The following SPECC1L variants were observed in gnomAD, a reference collection of about 807,000 sequenced individuals.
The protein encoded by SPECC1L is cytospin-A.
Under a neutral mutation model 116.8 loss-of-function variants are expected in SPECC1L, and 40 were observed. The ratio of observed to expected loss-of-function variants is 0.34; its 90% confidence interval spans 0.27 to 0.45. The LOEUF is 0.45. Among genes scored for constraint, SPECC1L ranks in the 20% least tolerant of loss-of-function variants. The pLI is 1.00. For synonymous variants in SPECC1L, 504 were observed against 500.6 expected (o/e 1.01, Z -0.09); for missense variants, 1,110 against 1,373.6 (o/e 0.81, Z 3.03).
At chr22:24,414,291 T>G (rs2042760870) in intron 16 of SPECC1L, among the ~76,000 whole-genome samples, 1 of 152,216 alleles carries the variant, frequency 6.6e-6, no homozygotes, top group Admixed American at 6.5e-5. Flanking sequence ...CTTCCCATCC[T>G]GCAGAGCCGT....
At chr22:24,370,724 A>G (rs1274232954) in intron 14 of SPECC1L, among the ~76,000 whole-genome samples, 1 of 152,240 alleles carries the variant, frequency 6.6e-6, no homozygotes, top group Non-Finnish European at 1.5e-5. Flanking sequence ...ATATAATACA[A>G]TGGAATACCA....
intron 3 of SPECC1L, among the ~76,000 whole-genome samples, chr22:24,310,755 A>G (rs1483614947): frequency 1.3e-5 from 2 of 151,606 alleles, no homozygotes; most frequent in Non-Finnish European, 2.9e-5. Flanking sequence ...ATACTTTCCC[A>G]GTTTTTTATG....
chr22:24,339,671 T>C (rs1446135952), intron 10 of SPECC1L, among the ~76,000 whole-genome samples: 1 of 152,240 alleles, frequency 6.6e-6, no homozygotes, highest in Admixed American at 6.5e-5. Context: ...ATAATGGTGT[T>C]GGGGAGCATT....
At chr22:24,281,719 G>A (rs2048946634) in intron 2 of SPECC1L, among the ~76,000 whole-genome samples, 2 of 152,112 alleles carry the variant, frequency 1.3e-5, no homozygotes, top group Non-Finnish European at 2.9e-5. Flanking sequence ...TGTCAATGTT[G>A]TCTGTGAATA....
rs375595319 is a variant in SPECC1L, at chr22:24,338,278, C to T, written c.2561-108C>T. Reference sequence around the variant, plus strand: ...GCTAGACATCAGCCAAGACAGTGTCCAGCGGGGTTTGAGAGCATTGGGTAA... The same window carrying T: ...GCTAGACATCAGCCAAGACAGTGTCTAGCGGGGTTTGAGAGCATTGGGTAA... On this transcript the variant is annotated intron_variant, in intron 9 of 16. Coordinates refer to ENST00000314328, the MANE Select transcript of SPECC1L (RefSeq NM_015330.6). 1.3e-5 allele frequency: 13 copies of T among 1,037,194 alleles called. No homozygotes were observed. In the African/African-American group the frequency reaches 1.9e-4, roughly 15 times the overall value. The allele number at this position is 1,037,194 out of a possible 1,614,324, so 64.2% of individuals were successfully genotyped here. A position where few individuals can be genotyped will look rare whatever the true frequency, so the allele number is the denominator to read the frequency against.
intron 7 of SPECC1L, among the ~76,000 whole-genome samples, chr22:24,329,230 C>T (rs893841190): frequency 2.6e-5 from 4 of 152,112 alleles, no homozygotes; most frequent in African/African-American, 4.8e-5. Flanking sequence ...TTTTGGATTT[C>T]GGATTTTCAG....
chr22:24,311,594 C>T (rs901178192), intron 3 of SPECC1L, among the ~76,000 whole-genome samples: 2 of 151,966 alleles, frequency 1.3e-5, no homozygotes, highest in African/African-American at 4.8e-5. Context: ...CACTTGATGC[C>T]AGGAGTTCGA....
chr22:24,364,992 A>C (rs942937041), intron 12 of SPECC1L, among the ~76,000 whole-genome samples: 2 of 152,056 alleles, frequency 1.3e-5, no homozygotes, highest in Admixed American at 1.3e-4. Context: ...ATGCCTTTTC[A>C]CAGTTTTTTT....
At chr22:24,300,223 A>G (rs2049349916) in intron 2 of SPECC1L, among the ~76,000 whole-genome samples, 1 of 152,166 alleles carries the variant, frequency 6.6e-6, no homozygotes, top group South Asian at 2.1e-4. Context: ...TATGAGCAAG[A>G]ACATGCAGTG....
At chr22:24,278,911 A>G (rs1317563081) in intron 2 of SPECC1L, among the ~76,000 whole-genome samples, 1 of 152,240 alleles carries the variant, frequency 6.6e-6, no homozygotes, top group Non-Finnish European at 1.5e-5. Flanking sequence ...GAGCCAGAAA[A>G]GTAAATGTGT....
chr22:24,325,718 A>G (rs978864592), intron 6 of SPECC1L, among the ~76,000 whole-genome samples: 11 of 152,158 alleles, frequency 7.2e-5, no homozygotes, highest in Non-Finnish European at 1.2e-4. Flanking sequence ...ATGCAACTTG[A>G]GAATTTATGA....
At chr22:24,349,735 C>A (rs1212354628) in intron 11 of SPECC1L, among the ~76,000 whole-genome samples, 1 of 152,168 alleles carries the variant, frequency 6.6e-6, no homozygotes, top group East Asian at 1.9e-4. Context: ...TTTAGGAAAT[C>A]CCATTGACTC....
intron 14 of SPECC1L, among the ~76,000 whole-genome samples, chr22:24,384,104 GA>G (rs1180257022): frequency 6.6e-6 from 1 of 150,862 alleles, no homozygotes; most frequent in Non-Finnish European, 1.5e-5. Context: ...ATGAAAGGAT[GA>G]AAAAAACATA....
At position 24,394,582 on chromosome 22, in the gene SPECC1L, G is replaced by A. The variant is rs141699304; in HGVS notation, c.3088-17006G>A. 1.3e-3 allele frequency among the ~76,000 whole-genome samples: 198 copies of A among 152,320 alleles called. 2 individuals are homozygous for A. Among genetic ancestry groups the A allele is most frequent in the Middle Eastern group, 6.8e-3 (2 of 294 alleles). On this transcript the variant is annotated intron_variant, in intron 14 of 16. Coordinates refer to ENST00000314328, the MANE Select transcript of SPECC1L (RefSeq NM_015330.6). The stretch of plus-strand genomic sequence containing the variant: ...GACTAGCTGCTGGATCATGTGGTAG[G>A]TATAGGTTGAACATTTTCAGAAGCT...
At chr22:24,360,919 AGAGTT>A in intron 11 of SPECC1L, among the ~76,000 whole-genome samples, 1 of 152,314 alleles carries the variant, frequency 6.6e-6, no homozygotes, top group East Asian at 1.9e-4. Context: ...AACTGCCAAC[AGAGTT>A]CAGAATTCTG....
intron 1 of SPECC1L, among the ~76,000 whole-genome samples, chr22:24,275,512 A>G (rs1227576400): frequency 6.6e-6 from 1 of 150,508 alleles, no homozygotes; most frequent in African/African-American, 2.4e-5. Flanking sequence ...TGTACATTTG[A>G]CACAGATCAC....
chr22:24,395,705 T>A (rs957120892), intron 14 of SPECC1L, among the ~76,000 whole-genome samples: 1 of 152,014 alleles, frequency 6.6e-6, no homozygotes, highest in Non-Finnish European at 1.5e-5. Context: ...TGGCGTGATA[T>A]CAGCTCACTG....
chr22:24,416,623 T>G lies in SPECC1L; in HGVS notation c.*2000T>G, dbSNP rs2042805639. On this transcript the variant is annotated 3_prime_UTR_variant, in exon 17 of 17. Transcript: ENST00000314328. ...ATGGTTTGGTTTATTTATTTTGTCC[T>G]TCAGGGGCTGTTTTGCCCTAAGAAT... The G allele has an allele frequency of 6.6e-6, 1 of 152,298 alleles. No individual in the cohort carries two copies. The highest frequency in any genetic ancestry group is 2.4e-5 in the African/African-American group (1 of 41,474). 9.4% of individuals were successfully genotyped at this position (152,298 alleles called of 1,614,324 possible).
At chr22:24,403,378 A>G (rs1276747447) in intron 14 of SPECC1L, among the ~76,000 whole-genome samples, 1 of 152,174 alleles carries the variant, frequency 6.6e-6, no homozygotes, top group Non-Finnish European at 1.5e-5. Flanking sequence ...AGTAAGTAAT[A>G]TGTTTTCTAT....
Sources: gnomAD v4.1 joint callset for allele counts (sites outside exome capture counted in the v4.1 genomes callset) on GRCh38, gnomAD v4.1.1 for gene constraint, MANE v1.5 for transcripts, NCBI Gene and HGNC (gene_info 2026-07-23, HGNC 2026-07-21) for gene names.